The following TIMD4 variants were observed in gnomAD, a reference collection of about 807,000 sequenced individuals.
TIMD4 encodes T cell immunoglobulin and mucin domain containing 4, also known as T-cell immunoglobulin and mucin domain-containing protein 4.
In TIMD4, 31 loss-of-function variants were observed where a neutral mutation model predicts 41.2. The observed-to-expected ratio is 0.75, with a 90% confidence interval of 0.57 to 1.01. The LOEUF (loss-of-function observed/expected upper bound fraction) is 1.01. TIMD4 is among the 50% of genes least tolerant of loss of function. TIMD4 has a pLI of 0.00. For synonymous variants in TIMD4, 204 were observed against 177.1 expected (o/e 1.15, Z -1.21); for missense variants, 479 against 472.5 (o/e 1.01, Z -0.13).
intron 5 of TIMD4, among the ~76,000 whole-genome samples, chr5:156,936,064 C>T (rs1279046487): frequency 1.3e-5 from 2 of 152,100 alleles, no homozygotes; most frequent in Non-Finnish European, 1.5e-5. Flanking sequence ...CATAGGGAGA[C>T]ACCATCTCTA....
At chr5:156,926,583 T>C (rs903650445) in intron 5 of TIMD4, among the ~76,000 whole-genome samples, 44 of 152,214 alleles carry the variant, frequency 2.9e-4, no homozygotes, top group African/African-American at 1.1e-3. Flanking sequence ...TGGCTCTAAT[T>C]TTTCTGTAGG....
At chr5:156,952,459 G>A (rs113355870) in intron 2 of TIMD4, among the ~76,000 whole-genome samples, 7 of 151,408 alleles carry the variant, frequency 4.6e-5, no homozygotes, top group South Asian at 2.1e-4. Flanking sequence ...ATCTCCACCC[G>A]CCCCCGCTAT....
intron 5 of TIMD4, among the ~76,000 whole-genome samples, chr5:156,937,540 C>T (rs1047638548): frequency 6.6e-6 from 1 of 152,148 alleles, no homozygotes; most frequent in Admixed American, 6.5e-5. Context: ...AGTTTGTTAG[C>T]CATCAATGAG....
chr5:156,952,121 C>G (rs1581631294), intron 2 of TIMD4, among the ~76,000 whole-genome samples: 1 of 151,882 alleles, frequency 6.6e-6, no homozygotes, highest in East Asian at 1.9e-4. Context: ...GAAACCCTGC[C>G]TCTACTAAAA....
At chr5:156,940,882 A>T (rs1022275567) in intron 5 of TIMD4, among the ~76,000 whole-genome samples, 10 of 152,248 alleles carry the variant, frequency 6.6e-5, no homozygotes, top group Non-Finnish European at 1.3e-4. Context: ...AAAAGGGGGA[A>T]ATGTGGGGAA....
At chr5:156,940,935 A>G (rs1759639293) in intron 5 of TIMD4, among the ~76,000 whole-genome samples, 1 of 152,276 alleles carries the variant, frequency 6.6e-6, no homozygotes, top group Non-Finnish European at 1.5e-5. Flanking sequence ...TGTAGAAAGA[A>G]GTAGACATAG....
chr5:156,958,937 CATAAAAT>C (rs1207183527), intron 1 of TIMD4, among the ~76,000 whole-genome samples: 1 of 152,138 alleles, frequency 6.6e-6, no homozygotes, highest in Non-Finnish European at 1.5e-5. Flanking sequence ...CAAAACAAGA[CATAAAAT>C]ATAAAACCCT....
At chr5:156,940,496 C>G (rs532168392) in intron 5 of TIMD4, among the ~76,000 whole-genome samples, 1 of 152,060 alleles carries the variant, frequency 6.6e-6, no homozygotes, top group African/African-American at 2.4e-5. Flanking sequence ...GCCGCCGCCC[C>G]GTCTAGGAAG....
chr5:156,934,139 C>T (rs1285906420), intron 5 of TIMD4, among the ~76,000 whole-genome samples: 3 of 152,038 alleles, frequency 2.0e-5, no homozygotes, highest in Non-Finnish European at 1.5e-5. Flanking sequence ...CGTTCCCATC[C>T]TATTCATAGA....
At chr5:156,959,627 C>A (rs1760042172) in intron 1 of TIMD4, among the ~76,000 whole-genome samples, 1 of 152,092 alleles carries the variant, frequency 6.6e-6, no homozygotes, top group South Asian at 2.1e-4. Flanking sequence ...CTGGCCCTTC[C>A]CCAATCTGAG....
At chr5:156,920,747 C>T (rs1759222550) in intron 7 of TIMD4, among the ~76,000 whole-genome samples, 1 of 152,228 alleles carries the variant, frequency 6.6e-6, no homozygotes, top group Non-Finnish European at 1.5e-5. Flanking sequence ...TAAGCTATTT[C>T]ATTCTGAGTC....
At chr5:156,940,057 C>T (rs1048219385) in intron 5 of TIMD4, among the ~76,000 whole-genome samples, 2 of 152,264 alleles carry the variant, frequency 1.3e-5, no homozygotes, top group Non-Finnish European at 2.9e-5. Context: ...AACCTCCCTG[C>T]CTGATTCTCC....
At position 156,958,396 on chromosome 5, in the gene TIMD4, T is replaced by C. The variant is rs529669960; in HGVS notation, c.59-3640A>G. On this transcript the variant is annotated intron_variant, in intron 1 of 8. Transcript: ENST00000274532. ...AAGGAAAGGAAAGGAAAGGATCCAA[T>C]AGAGAAACTAGCAGAGGACATAATA... Among the ~76,000 whole-genome samples, 5 of 143,816 alleles carry C rather than the reference T, an allele frequency of 3.5e-5. No individual in the cohort carries two copies. The South Asian group carries it at 1.1e-3, about 32-fold the overall frequency. The allele number at this position is 143,816 out of a possible 152,430, so 94.3% of individuals were successfully genotyped here.
At chr5:156,928,975 G>A (rs1408783053) in intron 5 of TIMD4, among the ~76,000 whole-genome samples, 2 of 152,164 alleles carry the variant, frequency 1.3e-5, no homozygotes, top group African/African-American at 2.4e-5. Flanking sequence ...AATTGGAATC[G>A]TCCAATGGGA....
chr5:156,926,203 C>T, intron 6 of TIMD4, 60 bp downstream of exon 6: 2 of 1,578,544 alleles, frequency 1.3e-6, no homozygotes, highest in Non-Finnish European at 8.7e-7. Flanking sequence ...CGTGCCTGGC[C>T]ACTACTGTGG....
intron 5 of TIMD4, among the ~76,000 whole-genome samples, chr5:156,939,260 G>A (rs1331005903): frequency 2.6e-5 from 4 of 152,078 alleles, no homozygotes; most frequent in Non-Finnish European, 2.9e-5. Context: ...CCTTTATCGT[G>A]GACCTTATAA....
At chr5:156,960,145 C>T (rs1010593697) in intron 1 of TIMD4, among the ~76,000 whole-genome samples, 12 of 152,052 alleles carry the variant, frequency 7.9e-5, no homozygotes, top group Admixed American at 5.9e-4. Context: ...GTGCTGCCTC[C>T]TTCAAGCAGG....
At chr5:156,957,115 T>G (rs1477082917) in intron 1 of TIMD4, among the ~76,000 whole-genome samples, 1 of 152,006 alleles carries the variant, frequency 6.6e-6, no homozygotes, top group Non-Finnish European at 1.5e-5. Flanking sequence ...CTGCAACCTC[T>G]GGTTGTTCTT....
intron 5 of TIMD4, among the ~76,000 whole-genome samples, chr5:156,934,062 A>C (rs554124145): frequency 1.2e-4 from 18 of 152,336 alleles, no homozygotes; most frequent in African/African-American, 4.1e-4. Context: ...TGCTATGTGC[A>C]GTTCTGAAAT....
Sources: allele counts gnomAD v4.1 joint callset (sites outside exome capture counted in the v4.1 genomes callset), GRCh38; gene constraint gnomAD v4.1.1; transcripts MANE v1.5; gene names NCBI Gene and HGNC (gene_info 2026-07-23, HGNC 2026-07-21).